BAIAP2L1: variants seen among roughly 807,000 people sequenced by gnomAD.
The protein encoded by BAIAP2L1 is BAR/IMD domain-containing adapter protein 2-like 1.
A neutral mutation model predicts 66.3 loss-of-function variants in BAIAP2L1; 35 were observed. That is an observed-to-expected ratio of 0.53 (90% CI 0.40 to 0.70). BAIAP2L1 has a LOEUF of 0.70. BAIAP2L1 is among the 30% of genes least tolerant of loss of function. BAIAP2L1 has a pLI of 0.00. For synonymous variants in BAIAP2L1, 269 were observed against 248.7 expected, an observed-to-expected ratio of 1.08 and a Z score of -0.77; for missense variants, 622 against 656.9, an observed-to-expected ratio of 0.95 and a Z score of 0.58.
At chr7:98,390,438 T>C (rs1481009054) in intron 1 of BAIAP2L1, among the ~76,000 whole-genome samples, 2 of 151,644 alleles carry the variant, frequency 1.3e-5, no homozygotes, top group Non-Finnish European at 2.9e-5. Flanking sequence ...CATTAAAAAA[T>C]ATAAATATGG....
intron 1 of BAIAP2L1, among the ~76,000 whole-genome samples, chr7:98,380,133 AGTGGT>A (rs1165127987): frequency 6.7e-6 from 1 of 149,588 alleles, no homozygotes; most frequent in Non-Finnish European, 1.5e-5. Flanking sequence ...GCTGGAGTGC[AGTGGT>A]GTGATCAGAC....
At chr7:98,336,075 A>G (rs944704320) in intron 3 of BAIAP2L1, among the ~76,000 whole-genome samples, 5 of 151,750 alleles carry the variant, frequency 3.3e-5, no homozygotes, top group African/African-American at 9.7e-5. Flanking sequence ...TATCTCACTT[A>G]TAAGTGGGAC....
chr7:98,355,338 C>T, intron 2 of BAIAP2L1: 1 of 578,114 alleles, frequency 1.7e-6, no homozygotes, highest in Non-Finnish European at 3.1e-6. Flanking sequence ...AGATCCTCGT[C>T]TCTGACCAGC....
At chr7:98,365,463 GCT>G (rs781045346) in intron 1 of BAIAP2L1, among the ~76,000 whole-genome samples, 5 of 152,048 alleles carry the variant, frequency 3.3e-5, no homozygotes, top group Non-Finnish European at 7.4e-5. Context: ...TTTCTTGATT[GCT>G]CTTTTTGTTT....
At chr7:98,399,999 G>A (rs1803315203) in intron 1 of BAIAP2L1, 1 of 152,022 alleles carries the variant, frequency 6.6e-6, no homozygotes. Context: ...CCTAATTACA[G>A]GGGAGTTTCA....
At position 98,366,472 on chromosome 7, in the gene BAIAP2L1, T is replaced by C. The variant is rs555635202; in HGVS notation, c.52-4040A>G. ...AATGGCTCAGTTTCCATCAGACTCC[T>C]TTCCCCAGGTTCTTCAGGCTCTCTG... On this transcript the variant is annotated intron_variant, in intron 1 of 13. Coordinates refer to ENST00000005260, the MANE Select transcript of BAIAP2L1 (RefSeq NM_018842.5). 2.0e-5 allele frequency among the ~76,000 whole-genome samples: 3 copies of C among 152,286 alleles called. No homozygotes were observed. In the East Asian group the frequency reaches 5.8e-4, roughly 29 times the overall value.
At chr7:98,308,169 G>GGT (rs1440753860) in intron 9 of BAIAP2L1, 11 of 595,138 alleles carry the variant, frequency 1.8e-5, no homozygotes, top group Non-Finnish European at 3.5e-5. Flanking sequence ...AGGACAAGGC[G>GGT]GTGTGTGCCG....
intron 3 of BAIAP2L1, among the ~76,000 whole-genome samples, chr7:98,344,701 G>C (rs999086284): frequency 6.6e-6 from 1 of 152,218 alleles, no homozygotes; most frequent in African/African-American, 2.4e-5. Context: ...TTGGGAGGCC[G>C]AGGTGGGCGG....
intron 1 of BAIAP2L1, among the ~76,000 whole-genome samples, chr7:98,388,929 A>C (rs1802957820): frequency 6.6e-6 from 1 of 151,420 alleles, no homozygotes; most frequent in African/African-American, 2.4e-5. Flanking sequence ...AGCCATGATC[A>C]CACCACTGCA....
rs759369089 is a variant in BAIAP2L1, at chr7:98,315,483, G to T, written c.616C>A (p.His206Asn). The change falls in exon 7 of 14, where the codon CAC (histidine) becomes AAC (asparagine). Residue 206 changes from histidine to asparagine, a missense_variant. By Grantham distance (68) the His-to-Asn change is moderately conservative. Transcript: ENST00000005260. Reference protein sequence around the residue: ...LVDKHCGFANHIHYYHLQSAE... With the variant: ...LVDKHCGFANNIHYYHLQSAE... ...ACCTGTAAGTGATAATAATGTATGT[G>T]GTTTGCAAAGCCACAGTGCTTATCA... The T allele has an allele frequency of 6.7e-7, 1 of 1,500,180 alleles. No individual in the cohort carries two copies. The highest frequency in any genetic ancestry group is 1.3e-5 in the South Asian group (1 of 74,102). The allele number at this position is 1,500,180 out of a possible 1,614,324, so 92.9% of individuals were successfully genotyped here. A position where few individuals can be genotyped will look rare whatever the true frequency, so the allele number is the denominator to read the frequency against.
chr7:98,345,330 G>A (rs1267394101), intron 3 of BAIAP2L1, among the ~76,000 whole-genome samples: 1 of 152,116 alleles, frequency 6.6e-6, no homozygotes, highest in African/African-American at 2.4e-5. Context: ...AATGACAAAA[G>A]TCAATTTGCA....
intron 1 of BAIAP2L1, among the ~76,000 whole-genome samples, chr7:98,387,691 C>T (rs940713793): frequency 1.1e-4 from 16 of 144,986 alleles, no homozygotes; most frequent in African/African-American, 2.5e-5. Context: ...GAGGCAGGCC[C>T]TGTCTCTACA....
At chr7:98,396,157 C>T (rs1168932573) in intron 1 of BAIAP2L1, among the ~76,000 whole-genome samples, 2 of 152,090 alleles carry the variant, frequency 1.3e-5, no homozygotes, top group African/African-American at 2.4e-5. Context: ...GCAACCTCTG[C>T]CTCCTGGCCT....
At chr7:98,330,258 A>T (rs1044087539) in intron 3 of BAIAP2L1, among the ~76,000 whole-genome samples, 1 of 152,198 alleles carries the variant, frequency 6.6e-6, no homozygotes, top group Non-Finnish European at 1.5e-5. Flanking sequence ...ACTGGGAAAA[A>T]GTGGGCAACG....
intron 3 of BAIAP2L1, among the ~76,000 whole-genome samples, chr7:98,329,729 C>T (rs1445887595): frequency 6.6e-6 from 1 of 151,798 alleles, no homozygotes; most frequent in Non-Finnish European, 1.5e-5. Flanking sequence ...AAAAAAGACT[C>T]AGAAACTCTT....
intron 1 of BAIAP2L1, among the ~76,000 whole-genome samples, chr7:98,375,410 T>A (rs1292920978): frequency 2.6e-4 from 35 of 136,822 alleles, no homozygotes; most frequent in Middle Eastern, 4.3e-3. Flanking sequence ...AAAAAAAAAA[T>A]TTGTGAGAGT....
intron 5 of BAIAP2L1, among the ~76,000 whole-genome samples, chr7:98,319,689 G>A (rs1441919719): frequency 1.3e-5 from 2 of 151,982 alleles, no homozygotes; most frequent in Non-Finnish European, 2.9e-5. Flanking sequence ...TGGGATGACA[G>A]GCATGCACCA....
chr7:98,400,697 G>T, intron 1 of BAIAP2L1, 105 bp downstream of exon 1: 1 of 1,307,364 alleles, frequency 7.6e-7, no homozygotes, highest in African/African-American at 1.5e-5. Context: ...AAGGACGCGG[G>T]GGAGGGGAGC....
chr7:98,398,714 C>T (rs1164685851), intron 1 of BAIAP2L1, among the ~76,000 whole-genome samples: 3 of 152,102 alleles, frequency 2.0e-5, no homozygotes, highest in Non-Finnish European at 4.4e-5. Context: ...AAGTGGTTGG[C>T]ATTTGTGACG....
Sources: gnomAD v4.1 joint callset for allele counts (sites outside exome capture counted in the v4.1 genomes callset) on GRCh38, gnomAD v4.1.1 for gene constraint, MANE v1.5 for transcripts, NCBI Gene and HGNC (gene_info 2026-07-23, HGNC 2026-07-21) for gene names.